Variants in SPOPL observed in about 807,000 individuals in gnomAD.
SPOPL encodes speckle-type POZ protein-like.
In SPOPL, 23 loss-of-function variants were observed where a neutral mutation model predicts 53.8. The observed-to-expected ratio is 0.43, with a 90% CI of 0.31 to 0.61. The LOEUF is 0.61. Among genes scored for constraint, SPOPL ranks in the 20% least tolerant of loss-of-function variants. The pLI is 0.12. For synonymous variants in SPOPL, 164 were observed against 149.7 expected (o/e 1.10, Z -0.70); for missense variants, 442 against 466.9 (o/e 0.95, Z 0.49).
chr2:138,554,651 C>A, intron 5 of SPOPL: 1 of 370,716 alleles, frequency 2.7e-6, no homozygotes, highest in Non-Finnish European at 4.1e-6. Flanking sequence ...CAGCTCTGCC[C>A]TCTTTCCCAA....
intron 5 of SPOPL, among the ~76,000 whole-genome samples, chr2:138,556,687 T>G (rs923224393): frequency 2.0e-5 from 3 of 152,212 alleles, no homozygotes; most frequent in Admixed American, 2.0e-4. Flanking sequence ...ATTAAAAACT[T>G]GATAAGATAG....
At position 138,550,945 on chromosome 2, in the gene SPOPL, A is replaced by G. The variant is rs1264136384; in HGVS notation, c.243A>G (p.Lys81=). The part of the protein sequence containing the change: ...VNPKGLDDES[K]DYLSLYLLLV... The stretch of plus-strand genomic sequence containing the variant: ...CAAAGGGATTAGATGATGAAAGTAA[A>G]GACTACTTGTCCTTATATTTGCTTT... The change falls in exon 4 of 11, where the codon AAA becomes AAG. Residue 81 remains lysine (K), a synonymous_variant. Coordinates refer to ENST00000280098, the MANE Select transcript of SPOPL (RefSeq NM_001001664.3). 6.2e-7 allele frequency: 1 copy of G among 1,613,176 alleles called. No individual in the cohort carries two copies. The highest frequency in any genetic ancestry group is 1.1e-5 in the South Asian group (1 of 90,972).
intron 1 of SPOPL, among the ~76,000 whole-genome samples, chr2:138,528,341 A>G (rs2104870714): frequency 6.6e-6 from 1 of 152,342 alleles, no homozygotes; most frequent in Middle Eastern, 3.4e-3. Context: ...TCCTTGAAAG[A>G]AACATGGATA....
intron 1 of SPOPL, among the ~76,000 whole-genome samples, chr2:138,521,556 G>T (rs1413091524): frequency 6.6e-6 from 1 of 151,646 alleles, no homozygotes; most frequent in African/African-American, 2.4e-5. Flanking sequence ...ATTTTTAGTT[G>T]TTTTTTTTGT....
In SPOPL at chr2:138,555,674, G is replaced by A. The variant is rs140366561; in HGVS notation, c.480+2993G>A. ...GAATTAGTTGGAAAATTCAGATTTC[G>A]AAAACTGGAACCAATAGTTACCTTA... On this transcript the variant is annotated intron_variant, in intron 5 of 10. Transcript: ENST00000280098. 2.3e-3 allele frequency among the ~76,000 whole-genome samples: 348 copies of A among 152,208 alleles called. 3 individuals are homozygous for A. Among genetic ancestry groups the A allele is most frequent in the African/African-American group, 7.8e-3 (322 of 41,532 alleles).
intron 1 of SPOPL, among the ~76,000 whole-genome samples, chr2:138,535,142 A>G (rs900012594): frequency 6.6e-6 from 1 of 152,180 alleles, no homozygotes; most frequent in Non-Finnish European, 1.5e-5. Flanking sequence ...ACTGTATTTC[A>G]GCCTGAGTGG....
At chr2:138,553,491 T>C (rs1229046930) in intron 5 of SPOPL, among the ~76,000 whole-genome samples, 1 of 152,134 alleles carries the variant, frequency 6.6e-6, no homozygotes, top group Non-Finnish European at 1.5e-5. Context: ...GTTGAAAAGA[T>C]TTTTATCATG....
chr2:138,525,022 C>T (rs1309760291), intron 1 of SPOPL, among the ~76,000 whole-genome samples: 4 of 152,168 alleles, frequency 2.6e-5, no homozygotes, highest in Non-Finnish European at 1.5e-5. Context: ...ATCTTTTCAG[C>T]AGTGCCCCAC....
chr2:138,550,851 A>C lies in SPOPL; in HGVS notation c.201-52A>C, dbSNP rs1175273850. On this transcript the variant is annotated intron_variant, in intron 3 of 10. Transcript: ENST00000280098. ...TTTCTCTCTCTCTCTCTCTCTCTCG[A>C]ATGCTTTTCAAGTATTATATTCCTC... 3.6e-6 allele frequency: 3 copies of C among 829,842 alleles called. No individual in the cohort carries two copies. The highest frequency in any genetic ancestry group is 3.4e-5 in the African/African-American group (2 of 58,630). 51.4% of individuals were successfully genotyped at this position (829,842 alleles called of 1,614,324 possible). A position where few individuals can be genotyped will look rare whatever the true frequency, so the allele number is the denominator to read the frequency against.
chr2:138,566,597 C>G (rs1196409609), intron 10 of SPOPL, among the ~76,000 whole-genome samples: 1 of 152,006 alleles, frequency 6.6e-6, no homozygotes, highest in Non-Finnish European at 1.5e-5. Context: ...TGGCAAAAAC[C>G]ACAATTACTT....
intron 5 of SPOPL, chr2:138,554,648 G>T (rs1685383580): frequency 2.5e-6 from 1 of 402,218 alleles, no homozygotes; most frequent in Non-Finnish European, 3.7e-6. Context: ...AAGCAGCTCT[G>T]CCCTCTTTCC....
intron 1 of SPOPL, among the ~76,000 whole-genome samples, chr2:138,521,142 G>A (rs1414236752): frequency 6.6e-6 from 1 of 152,202 alleles, no homozygotes; most frequent in Admixed American, 6.5e-5. Context: ...TATTTTAAAA[G>A]AAGGTAATTG....
intron 1 of SPOPL, among the ~76,000 whole-genome samples, chr2:138,510,792 G>C (rs74681585): frequency 0.012 from 1,759 of 152,172 alleles, 35 homozygotes; most frequent in African/African-American, 0.04. Flanking sequence ...AAATTCCTCT[G>C]TAGTTTTTTA....
At chr2:138,564,045 G>GA (rs955433347) in intron 8 of SPOPL, among the ~76,000 whole-genome samples, 1 of 152,182 alleles carries the variant, frequency 6.6e-6, no homozygotes, top group Non-Finnish European at 1.5e-5. Context: ...GAAAACTCCA[G>GA]AAAATGCAGA....
chr2:138,526,122 C>T (rs189706955), intron 1 of SPOPL, among the ~76,000 whole-genome samples: 1 of 152,028 alleles, frequency 6.6e-6, no homozygotes, highest in African/African-American at 2.4e-5. Context: ...CTGACTATAA[C>T]TTTTTTTACT....
In SPOPL at chr2:138,551,240, G is replaced by T. The variant is rs115220377; in HGVS notation, c.352+186G>T. Among the ~76,000 whole-genome samples, 1,315 of 152,048 alleles carry T rather than the reference G, an allele frequency of 8.6e-3. 16 individuals carry two copies. The highest frequency in any genetic ancestry group is 0.03 in the African/African-American group (1,247 of 41,500). On this transcript the variant is annotated intron_variant, in intron 4 of 10. Coordinates refer to ENST00000280098, the MANE Select transcript of SPOPL (RefSeq NM_001001664.3). ...ATTATTTTACTGAGTCTTAGACTTCGTAAAACATGTAAAAATGATTAATAA... is the reference window on the plus strand; with the variant it reads ...ATTATTTTACTGAGTCTTAGACTTCTTAAAACATGTAAAAATGATTAATAA...
Position 138,559,059 on chromosome 2 carries a change from A to G in SPOPL, c.518A>G (p.His173Arg), listed in dbSNP as rs762991418. 1 of 1,612,816 alleles carries G rather than the reference A, an allele frequency of 6.2e-7. No homozygotes were observed. The highest frequency in any genetic ancestry group is 8.5e-7 in the Non-Finnish European group (1 of 1,179,754). ...VVQDSVNISGHTNTNTLKVPE... is the reference protein window; with the variant it reads ...VVQDSVNISGRTNTNTLKVPE... Reference sequence around the variant, plus strand: ...CAAGATTCAGTAAACATATCAGGACATACTAATACAAATACTTTGAAGGTG... The same window carrying G: ...CAAGATTCAGTAAACATATCAGGACGTACTAATACAAATACTTTGAAGGTG... The change falls in exon 6 of 11, where the codon CAT (histidine) becomes CGT (arginine). Residue 173 changes from histidine (H) to arginine (R), a missense_variant. Coordinates refer to ENST00000280098, the MANE Select transcript of SPOPL (RefSeq NM_001001664.3).
At chr2:138,532,504 G>A (rs2104874834) in intron 1 of SPOPL, among the ~76,000 whole-genome samples, 2 of 134,532 alleles carry the variant, frequency 1.5e-5, no homozygotes, top group Admixed American at 1.7e-4. Context: ...TTGGCTCACT[G>A]CAAGCTCTGC....
intron 1 of SPOPL, among the ~76,000 whole-genome samples, chr2:138,530,616 G>A (rs1206509951): frequency 6.6e-6 from 1 of 151,886 alleles, no homozygotes; most frequent in African/African-American, 2.4e-5. Flanking sequence ...ATTATACTTT[G>A]GTATCTTTTA....
Sources: allele counts gnomAD v4.1 joint callset (sites outside exome capture counted in the v4.1 genomes callset), GRCh38; gene constraint gnomAD v4.1.1; transcripts MANE v1.5; gene names NCBI Gene and HGNC (gene_info 2026-07-23, HGNC 2026-07-21).